WDFY3: variants seen among roughly 807,000 people sequenced by gnomAD.
WDFY3 encodes WD repeat and FYVE domain-containing protein 3.
A neutral mutation model predicts 409.6 loss-of-function variants in WDFY3; 66 were observed. The observed-to-expected ratio is 0.16, with a 90% CI of 0.13 to 0.20. The LOEUF (loss-of-function observed/expected upper bound fraction) is 0.20, where lower values mean the gene tolerates loss of function less well. WDFY3 is among the 10% of genes least tolerant of loss of function. The pLI is 1.00. For synonymous variants in WDFY3, 1,521 were observed against 1,537.1 expected (o/e 0.99, Z 0.25); for missense variants, 3,031 against 4,298.1 (o/e 0.71, Z 8.24).
At chr4:84,867,431 A>T (rs1469065716) in intron 3 of WDFY3, among the ~76,000 whole-genome samples, 1 of 152,222 alleles carries the variant, frequency 6.6e-6, no homozygotes, top group Non-Finnish European at 1.5e-5. Flanking sequence ...AAGCGTTTTC[A>T]AACTATTTAT....
intron 3 of WDFY3, among the ~76,000 whole-genome samples, chr4:84,885,498 A>C (rs1163787817): frequency 6.6e-6 from 1 of 152,138 alleles, no homozygotes; most frequent in Non-Finnish European, 1.5e-5. Flanking sequence ...AAGCCAACAA[A>C]AAAAGAGAGA....
intron 5 of WDFY3, among the ~76,000 whole-genome samples, chr4:84,846,426 T>C (rs1458543516): frequency 6.6e-6 from 1 of 151,936 alleles, no homozygotes; most frequent in Non-Finnish European, 1.5e-5. Flanking sequence ...TTCTACTTGA[T>C]TTAAGACATC....
chr4:84,763,597 G>A (rs1743092121), intron 32 of WDFY3, among the ~76,000 whole-genome samples: 1 of 149,764 alleles, frequency 6.7e-6, no homozygotes, highest in African/African-American at 2.5e-5. Flanking sequence ...ACCAATAAAT[G>A]TGAATAAAAA....
chr4:84,931,995 G>C (rs547295491), intron 2 of WDFY3, among the ~76,000 whole-genome samples: 1 of 152,142 alleles, frequency 6.6e-6, no homozygotes, highest in Non-Finnish European at 1.5e-5. Context: ...TTCATCATCT[G>C]TAGGTACCTA....
At chr4:84,728,174 A>C (rs571654025) in intron 44 of WDFY3, among the ~76,000 whole-genome samples, 66 of 152,304 alleles carry the variant, frequency 4.3e-4, no homozygotes, top group African/African-American at 1.4e-3. Flanking sequence ...AAAGTGAAGA[A>C]AACGGATTCT....
rs58589086 is a variant in WDFY3 at position 84,875,263 on chromosome 4, AACACACACACAC to A, written c.-31-14653_-31-14642del. Among the ~76,000 whole-genome samples the A allele has an allele frequency of 1.9e-3, 268 of 137,580 alleles. 1 individual carries two copies. The highest frequency in any genetic ancestry group is 5.8e-3 in the African/African-American group (212 of 36,358). 90.3% of individuals were successfully genotyped at this position (137,580 alleles called of 152,430 possible). ...AGCCTGGGGTACCGAGCAAGACTCA[AACACACACACAC>A]ACACACACACACACACACACACACA... is the stretch of plus-strand genomic sequence containing the variant. On this transcript the variant is annotated intron_variant, in intron 3 of 67. Transcript: ENST00000295888.
intron 3 of WDFY3, among the ~76,000 whole-genome samples, chr4:84,879,823 C>A (rs1425967329): frequency 6.6e-6 from 1 of 152,014 alleles, no homozygotes; most frequent in East Asian, 1.9e-4. Flanking sequence ...GAACAAAAGA[C>A]AAATAGGCAT....
intron 50 of WDFY3, among the ~76,000 whole-genome samples, chr4:84,714,949 CAAA>C (rs770343929): frequency 1.4e-5 from 1 of 73,074 alleles, no homozygotes. Context: ...GACTCCGTCT[CAAA>C]AAAAAAAAAA....
Position 84,782,945 on chromosome 4 carries a change from AAAGAT to A in WDFY3, c.4174+13_4174+17del. On this transcript the variant is annotated intron_variant, in intron 25 of 67. Coordinates refer to ENST00000295888, the MANE Select transcript of WDFY3 (RefSeq NM_014991.6). ...GGCAAATAAAGAAGTTTGAAACAAC[AAAGAT>A]AAGTCCACTCACCCAAGTATCCAAT... The A allele has an allele frequency of 6.2e-7, 1 of 1,606,334 alleles. No homozygotes were observed. Among genetic ancestry groups the A allele is most frequent in the Admixed American group, 1.7e-5 (1 of 58,086 alleles).
At chr4:84,950,524 G>A (rs1773472157) in intron 1 of WDFY3, among the ~76,000 whole-genome samples, 1 of 152,132 alleles carries the variant, frequency 6.6e-6, no homozygotes, top group African/African-American at 2.4e-5. Context: ...GGGCAAGGTG[G>A]CTCACACCTG....
intron 2 of WDFY3, among the ~76,000 whole-genome samples, chr4:84,926,117 A>T (rs1317104464): frequency 6.9e-6 from 1 of 144,542 alleles, no homozygotes; most frequent in African/African-American, 2.5e-5. Flanking sequence ...GGGTTCAAGC[A>T]ATTCTTGAAC....
intron 7 of WDFY3, among the ~76,000 whole-genome samples, chr4:84,835,767 A>C (rs1408401450): frequency 6.6e-6 from 1 of 152,106 alleles, no homozygotes; most frequent in Admixed American, 6.5e-5. Context: ...TTTCTACCCC[A>C]ATCCACTGTT....
chr4:84,929,647 C>T (rs555626802), intron 2 of WDFY3, among the ~76,000 whole-genome samples: 49 of 152,234 alleles, frequency 3.2e-4, no homozygotes, highest in Admixed American at 9.2e-4. Flanking sequence ...TGGTGGCTCA[C>T]GCCTATAATC....
At chr4:84,932,890 G>A (rs1486487572) in intron 1 of WDFY3, among the ~76,000 whole-genome samples, 1 of 152,082 alleles carries the variant, frequency 6.6e-6, no homozygotes, top group Admixed American at 6.6e-5. Flanking sequence ...CAAGTTATTT[G>A]GGTTGCCTTA....
In WDFY3 at chr4:84,810,031, A is replaced by G. The variant is rs1752226901; in HGVS notation, c.2201T>C (p.Met734Thr). ...CFSDLRKISA[M>T]NVFPSNTQPF... Reference sequence around the variant, plus strand: ...CTGTGTATTTGAGGGGAAGACATTCATGGCGCTTATTTTTCTTAGGTCTGA... The same window carrying G: ...CTGTGTATTTGAGGGGAAGACATTCGTGGCGCTTATTTTTCTTAGGTCTGA... Residue 734 changes from methionine (M) to threonine (T), a missense_variant, in exon 14 of 68, where the codon ATG (methionine) becomes ACG (threonine). Met to Thr is a moderately conservative substitution (Grantham distance 81, BLOSUM62 -1). Around this residue, in one of 16 missense-constraint regions of WDFY3, gnomAD observed 1,322 missense variants for 1,697.9 expected, o/e 0.78. Transcript: ENST00000295888. 1 of 1,614,214 alleles carries G rather than the reference A, an allele frequency of 6.2e-7. No homozygotes were observed.
intron 21 of WDFY3, among the ~76,000 whole-genome samples, 196 bp downstream of exon 21, chr4:84,794,323 T>A (rs1474323635): frequency 6.6e-6 from 1 of 152,210 alleles, no homozygotes; most frequent in East Asian, 1.9e-4. Flanking sequence ...ACTCACTCCC[T>A]CCACTGTTTT....
At chr4:84,942,389 T>C (rs971877109) in intron 1 of WDFY3, among the ~76,000 whole-genome samples, 5 of 152,112 alleles carry the variant, frequency 3.3e-5, no homozygotes, top group Non-Finnish European at 7.4e-5. Context: ...GACACTTACT[T>C]TTAAAAAAAG....
At position 84,898,743 on chromosome 4, in the gene WDFY3, G is replaced by A. The variant is rs900960311; in HGVS notation, c.-131-1733C>T. On this transcript the variant is annotated intron_variant, in intron 2 of 67. Transcript: ENST00000295888. ...TTTTAACCCCAAATTCCAGCTTTTT[G>A]TGGCAAAGGGAATCACAACAAAATG... Among the ~76,000 whole-genome samples the A allele has an allele frequency of 9.9e-5, 15 of 152,052 alleles. No individual in the cohort carries two copies. In the East Asian group the frequency reaches 2.9e-3, roughly 29 times the overall value.
At chr4:84,875,182 C>T (rs976263129) in intron 3 of WDFY3, among the ~76,000 whole-genome samples, 1 of 151,536 alleles carries the variant, frequency 6.6e-6, no homozygotes, top group Admixed American at 6.6e-5. Flanking sequence ...GCAGGAGAAT[C>T]GCTTGAACCC....
Sources: allele counts gnomAD v4.1 joint callset (sites outside exome capture counted in the v4.1 genomes callset), GRCh38; gene constraint gnomAD v4.1.1; regional missense constraint gnomAD v4.1.1; transcripts MANE v1.5; gene names NCBI Gene and HGNC (gene_info 2026-07-23, HGNC 2026-07-21).